PTPRN2: variants seen among roughly 807,000 people sequenced by gnomAD.
The protein encoded by PTPRN2 is protein tyrosine phosphatase receptor type N2.
PTPRN2 carries 74 observed loss-of-function variants against 118.8 expected under a neutral mutation model. The ratio of observed to expected loss-of-function variants is 0.62; its 90% CI spans 0.52 to 0.76. The LOEUF is 0.76. Among genes scored for constraint, PTPRN2 ranks in the 30% least tolerant of loss-of-function variants. The pLI is 0.00. For missense variants in PTPRN2, 1,481 were observed against 1,394.4 expected (o/e 1.06, Z -0.99); for synonymous variants, 641 against 608.0 (o/e 1.05, Z -0.80).
At chr7:157,711,674 A>G (rs10237491) in intron 12 of PTPRN2, among the ~76,000 whole-genome samples, 25,840 of 152,008 alleles carry the variant, frequency 0.17, 2,734 homozygotes, top group East Asian at 0.53. Flanking sequence ...AGGCCTGAGG[A>G]CAAGCCCCCG....
intron 2 of PTPRN2, among the ~76,000 whole-genome samples, chr7:158,385,372 T>A (rs959055632): frequency 6.6e-6 from 1 of 152,194 alleles, no homozygotes; most frequent in African/African-American, 2.4e-5. Context: ...TTGAAAGGAT[T>A]TGAAGAAACA....
intron 1 of PTPRN2, among the ~76,000 whole-genome samples, chr7:158,582,212 TG>T (rs1486823485): frequency 2.0e-5 from 3 of 152,320 alleles, no homozygotes; most frequent in Non-Finnish European, 2.9e-5. Context: ...TAAACTAATG[TG>T]GAAAGAGCTG....
At chr7:158,161,440 G>A (rs7778335) in intron 6 of PTPRN2, among the ~76,000 whole-genome samples, 39,036 of 152,098 alleles carry the variant, frequency 0.26, 7,028 homozygotes, top group African/African-American at 0.52. Context: ...CCACATACAT[G>A]AGGTCAGCCG....
intron 12 of PTPRN2, among the ~76,000 whole-genome samples, chr7:157,828,082 T>C (rs1328545938): frequency 1.3e-5 from 2 of 152,160 alleles, no homozygotes; most frequent in East Asian, 3.9e-4. Context: ...GTTCTGGTTT[T>C]CCTCCTTCCT....
intron 3 of PTPRN2, among the ~76,000 whole-genome samples, chr7:158,224,893 T>C (rs899008321): frequency 5.9e-5 from 9 of 151,998 alleles, no homozygotes; most frequent in Admixed American, 1.3e-4. Flanking sequence ...AACATTCAAT[T>C]AGAAAAAGGG....
At chr7:158,319,731 T>TCTCCCTCACACA (rs1563132616) in intron 2 of PTPRN2, among the ~76,000 whole-genome samples, 138 of 2,348 alleles carry the variant, frequency 0.059, 54 homozygotes, top group Non-Finnish European at 0.11. Flanking sequence ...TCACACACAC[T>TCTCCCTCACACA]CACAGTCTCC....
In PTPRN2 at chr7:157,675,836, C is replaced by T. The variant is rs777329962; in HGVS notation, c.2001+6889G>A. Among the ~76,000 whole-genome samples, 6 of 152,110 alleles carry T rather than the reference C, an allele frequency of 3.9e-5. No individual in the cohort carries two copies. The East Asian group carries it at 5.8e-4, about 15-fold the overall frequency. The stretch of plus-strand genomic sequence containing the variant: ...GTTCATAGATGAGGAAGGCGGCCTT[C>T]GGGAGGGAGGGGCTGGGCCTCGCAC... On this transcript the variant is annotated intron_variant, in intron 13 of 22. Coordinates refer to ENST00000389418, the MANE Select transcript of PTPRN2 (RefSeq NM_002847.5).
intron 12 of PTPRN2, among the ~76,000 whole-genome samples, chr7:157,841,625 G>A (rs895253832): frequency 9.9e-5 from 15 of 152,194 alleles, no homozygotes; most frequent in African/African-American, 1.9e-4. Flanking sequence ...CCCCCACCAC[G>A]GGGCCTTTGT....
At chr7:158,166,748 C>T (rs1823039054) in intron 6 of PTPRN2, among the ~76,000 whole-genome samples, 183 bp downstream of exon 6, 1 of 152,228 alleles carries the variant, frequency 6.6e-6, no homozygotes, top group Non-Finnish European at 1.5e-5. Context: ...TCCTTCCCAG[C>T]ACAGAGAGGG....
At chr7:157,786,842 G>A (rs1258892805) in intron 12 of PTPRN2, among the ~76,000 whole-genome samples, 6 of 152,216 alleles carry the variant, frequency 3.9e-5, no homozygotes, top group Admixed American at 2.0e-4. Context: ...CAGCGGCTTT[G>A]GCCTTGCCTG....
At chr7:157,722,824 CA>C (rs918529769) in intron 12 of PTPRN2, among the ~76,000 whole-genome samples, 27 of 152,170 alleles carry the variant, frequency 1.8e-4, no homozygotes, top group South Asian at 4.1e-4. Flanking sequence ...CGAGGCGGTG[CA>C]GGGTGGGGCT....
At chr7:158,071,264 G>C (rs1216168244) in intron 11 of PTPRN2, among the ~76,000 whole-genome samples, 3 of 48,362 alleles carry the variant, frequency 6.2e-5, no homozygotes, top group Non-Finnish European at 9.6e-5. Flanking sequence ...AGGTGCCCGT[G>C]GTGGTGGAGG....
At chr7:158,543,281 G>T (rs950818478) in intron 1 of PTPRN2, among the ~76,000 whole-genome samples, 2 of 152,158 alleles carry the variant, frequency 1.3e-5, no homozygotes, top group Non-Finnish European at 2.9e-5. Context: ...CCCACCCCGA[G>T]GCTCTGAAGG....
intron 11 of PTPRN2, among the ~76,000 whole-genome samples, chr7:158,069,488 C>A (rs532891325): frequency 6.6e-6 from 1 of 151,672 alleles, no homozygotes; most frequent in South Asian, 2.1e-4. Flanking sequence ...ATGGCCACCA[C>A]ACCCCCACCT....
At chr7:158,491,584 G>A (rs1270398006) in intron 1 of PTPRN2, among the ~76,000 whole-genome samples, 1 of 152,098 alleles carries the variant, frequency 6.6e-6, no homozygotes, top group African/African-American at 2.4e-5. Context: ...CTGCCTCCCA[G>A]GTTCAAGCAA....
At chr7:158,171,151 CACAT>C (rs1290193086) in intron 5 of PTPRN2, among the ~76,000 whole-genome samples, 2 of 62,842 alleles carry the variant, frequency 3.2e-5, no homozygotes, top group South Asian at 1.0e-3. Context: ...CATATATATA[CACAT>C]ATATATACAC....
chr7:157,642,558 G>T (rs1804737990), intron 14 of PTPRN2, among the ~76,000 whole-genome samples: 1 of 152,150 alleles, frequency 6.6e-6, no homozygotes, highest in Admixed American at 6.6e-5. Context: ...TTCCCGAGCA[G>T]CCTGTGGACG....
chr7:158,163,661 G>A (rs567170687), intron 6 of PTPRN2, among the ~76,000 whole-genome samples: 24 of 151,026 alleles, frequency 1.6e-4, no homozygotes, highest in Admixed American at 1.3e-4. Context: ...CCCGTATGAA[G>A]TTCTCAATTC....
chr7:157,847,719 T>G, intron 12 of PTPRN2, among the ~76,000 whole-genome samples: 1 of 142,160 alleles, frequency 7.0e-6, no homozygotes, highest in Non-Finnish European at 1.5e-5. Flanking sequence ...CACTCCATCA[T>G]GTGTGCCCAA....
Sources: gnomAD v4.1 joint callset for allele counts (sites outside exome capture counted in the v4.1 genomes callset) on GRCh38, gnomAD v4.1.1 for gene constraint, MANE v1.5 for transcripts, NCBI Gene and HGNC (gene_info 2026-07-23, HGNC 2026-07-21) for gene names.